The following DOCK5 variants were observed in gnomAD, a reference collection of about 807,000 sequenced individuals.
DOCK5 encodes the protein dedicator of cytokinesis 5.
In DOCK5, 142 loss-of-function variants were observed where a neutral mutation model predicts 251.8. The observed-to-expected ratio is 0.56, with a 90% CI of 0.49 to 0.65. DOCK5 has a LOEUF of 0.65. Ranked by LOEUF, DOCK5 falls within the 30% of genes least tolerant of loss-of-function variation. DOCK5 has a pLI of 0.00. For missense variants in DOCK5, 2,111 were observed against 2,312.3 expected, an observed-to-expected ratio of 0.91 and a Z score of 1.79; for synonymous variants, 842 against 835.5, an observed-to-expected ratio of 1.01 and a Z score of -0.13.
At chr8:25,368,799 G>C in intron 33 of DOCK5, 74 bp downstream of exon 33, 1 of 1,438,316 alleles carries the variant, frequency 7.0e-7, no homozygotes, top group Non-Finnish European at 9.4e-7. Context: ...TTTCTATATA[G>C]AGAAGCAGTA....
At chr8:25,233,578 A>G (rs1192724614) in intron 1 of DOCK5, among the ~76,000 whole-genome samples, 2 of 152,206 alleles carry the variant, frequency 1.3e-5, no homozygotes, top group African/African-American at 4.8e-5. Flanking sequence ...AGCTCACTTT[A>G]CTGATGAGGG....
intron 2 of DOCK5, among the ~76,000 whole-genome samples, chr8:25,255,763 G>T (rs1357777115): frequency 6.6e-6 from 1 of 152,240 alleles, no homozygotes; most frequent in African/African-American, 2.4e-5. Flanking sequence ...GGGATGTCTT[G>T]TCAGGGGACA....
chr8:25,358,338 A>G (rs1554495936), intron 27 of DOCK5, among the ~76,000 whole-genome samples: 3 of 152,152 alleles, frequency 2.0e-5, no homozygotes, highest in Non-Finnish European at 4.4e-5. Context: ...ATCTCGTGAG[A>G]ACTCACTCAC....
At chr8:25,205,006 C>T (rs1801966718) in intron 1 of DOCK5, among the ~76,000 whole-genome samples, 1 of 150,604 alleles carries the variant, frequency 6.6e-6, no homozygotes, top group South Asian at 2.1e-4. Flanking sequence ...TGGTGGGGCC[C>T]TCATGAGGGG....
At chr8:25,296,913 G>A (rs908087631) in intron 7 of DOCK5, among the ~76,000 whole-genome samples, 3 of 152,026 alleles carry the variant, frequency 2.0e-5, no homozygotes, top group Non-Finnish European at 2.9e-5. Flanking sequence ...TTCAAAAAAT[G>A]TATATAAATC....
At chr8:25,243,493 G>A (rs535662725) in intron 1 of DOCK5, among the ~76,000 whole-genome samples, 181 bp from the exon 2 acceptor site, 1 of 152,120 alleles carries the variant, frequency 6.6e-6, no homozygotes, top group South Asian at 2.1e-4. Flanking sequence ...ACTACGCCCA[G>A]CTGATTTTTG....
chr8:25,363,236 A>G, intron 29 of DOCK5, 95 bp downstream of exon 29: 1 of 1,016,238 alleles, frequency 9.8e-7, no homozygotes, highest in South Asian at 1.4e-5. Context: ...CTTTGCCTCA[A>G]ACCCATCATC....
intron 26 of DOCK5, among the ~76,000 whole-genome samples, chr8:25,345,869 A>G (rs1389048398): frequency 6.6e-6 from 1 of 150,600 alleles, no homozygotes; most frequent in Non-Finnish European, 1.5e-5. Context: ...TTTTTTTTTG[A>G]GAGGGAGTCT....
rs150764947 is a variant in DOCK5 at position 25,408,055 on chromosome 8, G to A, written c.5166G>A (p.Glu1722=). 3 of 1,610,376 alleles carry A rather than the reference G, an allele frequency of 1.9e-6. No individual in the cohort carries two copies. In the African/African-American group the frequency reaches 4.0e-5, roughly 22 times the overall value. ...GARVEDLSLR[E]ENSENRISKF... ...GAGTTGAAGATCTGTCCCTTAGAGA[G>A]GAGAACAGCGAGAACCGGATCAGCA... Residue 1722 remains glutamate (E), a synonymous_variant, in exon 49 of 52, where the codon GAG becomes GAA. Transcript: ENST00000276440.
intron 40 of DOCK5, among the ~76,000 whole-genome samples, chr8:25,386,437 A>C (rs1486051691): frequency 1.3e-5 from 2 of 152,112 alleles, no homozygotes; most frequent in Non-Finnish European, 2.9e-5. Context: ...TCTATAAAAA[A>C]ATTTTTTAAA....
At position 25,411,419 on chromosome 8, in the gene DOCK5, T is replaced by C. The variant is rs1801630374; in HGVS notation, c.*121T>C. 2 of 1,283,692 alleles carry C rather than the reference T, an allele frequency of 1.6e-6. No individual in the cohort carries two copies. The highest frequency in any genetic ancestry group is 4.8e-5 in the South Asian group (2 of 41,558). 79.5% of individuals were successfully genotyped at this position (1,283,692 alleles called of 1,614,324 possible). The stretch of plus-strand genomic sequence containing the variant: ...GACTGCATTTCCTGATCTGGGATGA[T>C]GTTTACCAGCCCAAAACCAGTCATG... On this transcript the variant is annotated 3_prime_UTR_variant, in exon 52 of 52. Transcript: ENST00000276440.
At chr8:25,311,413 C>T (rs1197060316) in intron 13 of DOCK5, among the ~76,000 whole-genome samples, 2 of 150,802 alleles carry the variant, frequency 1.3e-5, no homozygotes, top group East Asian at 2.0e-4. Context: ...TGTGGTGGCA[C>T]GTGCCTGTAG....
At chr8:25,385,970 A>G (rs1046998482) in intron 40 of DOCK5, among the ~76,000 whole-genome samples, 2 of 152,248 alleles carry the variant, frequency 1.3e-5, no homozygotes, top group African/African-American at 4.8e-5. Context: ...AGACCTTGAG[A>G]ATAGCAGGTC....
chr8:25,405,594 C>A (rs528649099), intron 48 of DOCK5, among the ~76,000 whole-genome samples: 63 of 151,794 alleles, frequency 4.2e-4, no homozygotes, highest in Non-Finnish European at 7.1e-4. Flanking sequence ...CCTAATATTC[C>A]TTTTCAGAAT....
chr8:25,410,998 C>T (rs1352724537), intron 51 of DOCK5, among the ~76,000 whole-genome samples, 196 bp from the exon 52 acceptor site: 6 of 114,050 alleles, frequency 5.3e-5, no homozygotes, highest in East Asian at 2.6e-4. Flanking sequence ...CACGCACGCA[C>T]GCACGCGTGT....
intron 1 of DOCK5, among the ~76,000 whole-genome samples, chr8:25,201,556 GAGCCGGGC>G (rs1801878498): frequency 6.6e-6 from 1 of 152,168 alleles, no homozygotes; most frequent in African/African-American, 2.4e-5. Context: ...GCAGGCTGTG[GAGCCGGGC>G]AGCCAAGCCA....
intron 28 of DOCK5, among the ~76,000 whole-genome samples, chr8:25,360,755 A>G (rs1033353032): frequency 6.6e-6 from 1 of 152,134 alleles, no homozygotes; most frequent in African/African-American, 2.4e-5. Context: ...TTGCTATATA[A>G]AGTAAAATTA....
chr8:25,190,915 C>A (rs540497533), intron 1 of DOCK5, among the ~76,000 whole-genome samples: 129 of 151,744 alleles, frequency 8.5e-4, no homozygotes, highest in African/African-American at 3.1e-3. Flanking sequence ...TCCCGCATAG[C>A]TGTGACTACA....
intron 26 of DOCK5, among the ~76,000 whole-genome samples, 161 bp downstream of exon 26, chr8:25,345,772 G>T (rs191246653): frequency 7.2e-5 from 11 of 152,156 alleles, no homozygotes; most frequent in African/African-American, 2.4e-4. Context: ...AGAGCCTCCA[G>T]TGCAAAGTCA....
Sources: gnomAD v4.1 joint callset for allele counts (sites outside exome capture counted in the v4.1 genomes callset) on GRCh38, gnomAD v4.1.1 for gene constraint, MANE v1.5 for transcripts, NCBI Gene and HGNC (gene_info 2026-07-23, HGNC 2026-07-21) for gene names.